LARP7: variants seen among roughly 807,000 people sequenced by gnomAD.
LARP7 encodes the protein La ribonucleoprotein 7, transcriptional regulator, also known as la-related protein 7.
LARP7 carries 52 observed loss-of-function variants against 69.3 expected under a neutral mutation model. The observed-to-expected ratio is 0.75, with a 90% confidence interval of 0.60 to 0.95. LARP7 has a LOEUF of 0.95. LARP7 is among the 40% of genes least tolerant of loss of function. The pLI is 0.00. For synonymous variants in LARP7, 254 were observed against 215.9 expected, an observed-to-expected ratio of 1.18 and a Z score of -1.55; for missense variants, 733 against 673.0, an observed-to-expected ratio of 1.09 and a Z score of -0.99.
Position 112,657,269 on chromosome 4 carries a change from T to G in LARP7, c.1691T>G (p.Ile564Ser). ...TEKLITKAEK[I>S]RLAKTQQASK... ...TAGTTAATCACCAAAGCTGAAAAGA[T>G]TAGACTGGCAAAGACTCAACAAGCG... The change falls in exon 13 of 13, where the codon ATT becomes AGT. Residue 564 changes from isoleucine to serine, a missense_variant. Transcript: ENST00000344442. 3 of 1,591,522 alleles carry G rather than the reference T, an allele frequency of 1.9e-6. No homozygotes were observed. Among genetic ancestry groups the G allele is most frequent in the Non-Finnish European group, 2.6e-6 (3 of 1,168,876 alleles).
At chr4:112,652,569 G>A (rs1321758073) in intron 10 of LARP7, among the ~76,000 whole-genome samples, 6 of 152,002 alleles carry the variant, frequency 3.9e-5, no homozygotes, top group African/African-American at 1.5e-4. Context: ...CTTGAACAAT[G>A]TGGAAATCTA....
intron 1 of LARP7, among the ~76,000 whole-genome samples, chr4:112,639,481 T>C (rs2047871680): frequency 1.3e-5 from 2 of 152,114 alleles, no homozygotes; most frequent in Admixed American, 6.6e-5. Flanking sequence ...CCGCCCGCCT[T>C]GGCCTCCCAA....
At chr4:112,648,133 C>A in intron 8 of LARP7, 1 of 532,176 alleles carries the variant, frequency 1.9e-6, no homozygotes, top group Admixed American at 2.0e-5. Flanking sequence ...GCGGTCAATA[C>A]AATAAAGTTA....
At chr4:112,645,108 G>A (rs907154213) in intron 2 of LARP7, among the ~76,000 whole-genome samples, 4 of 151,618 alleles carry the variant, frequency 2.6e-5, no homozygotes, top group South Asian at 4.2e-4. Flanking sequence ...CACCATGCCC[G>A]GCTAATTTTT....
intron 1 of LARP7, among the ~76,000 whole-genome samples, chr4:112,642,777 A>C (rs2048011925): frequency 1.3e-5 from 2 of 152,248 alleles, no homozygotes; most frequent in African/African-American, 4.8e-5. Flanking sequence ...TGGTGTATTT[A>C]GGACACTTTG....
intron 1 of LARP7, among the ~76,000 whole-genome samples, chr4:112,638,266 A>C (rs1164000761): frequency 1.3e-5 from 2 of 152,246 alleles, no homozygotes; most frequent in African/African-American, 4.8e-5. Context: ...ACTGCACTGC[A>C]GCCTGGGCCA....
At position 112,648,118 on chromosome 4, in the gene LARP7, G is replaced by A. The variant is rs753398130; in HGVS notation, c.1142+284G>A. 9.0e-6 allele frequency: 5 copies of A among 553,840 alleles called. No individual in the cohort carries two copies. In the East Asian group the frequency reaches 2.4e-4, roughly 26 times the overall value. The allele number at this position is 553,840 out of a possible 1,614,324, so 34.3% of individuals were successfully genotyped here. A position where few individuals can be genotyped will look rare whatever the true frequency, so the allele number is the denominator to read the frequency against. On this transcript the variant is annotated intron_variant, in intron 8 of 12. Transcript: ENST00000344442. ...AATACAAAATAAAGCTTAAATATAT[G>A]AGCTGCGGTCAATACAATAAAGTTA...
intron 12 of LARP7, among the ~76,000 whole-genome samples, chr4:112,656,524 AATC>A (rs1334703204): frequency 1.3e-5 from 2 of 152,240 alleles, no homozygotes. Context: ...TGCTAGCCTA[AATC>A]TTTGTAGTAT....
intron 1 of LARP7, among the ~76,000 whole-genome samples, chr4:112,638,197 T>G (rs6816782): frequency 0.68 from 103,586 of 151,992 alleles, 35,734 homozygotes; most frequent in East Asian, 0.95. Context: ...TCAAGAGGCT[T>G]GGTTGGGAGA....
In LARP7 at chr4:112,646,615, AG is replaced by A; in HGVS notation, c.333del (p.Lys113AsnfsTer42). The A allele has an allele frequency of 6.2e-7, 1 of 1,600,700 alleles. No homozygotes were observed. Among genetic ancestry groups the A allele is most frequent in the Non-Finnish European group, 8.5e-7 (1 of 1,172,748 alleles). ...TGATTTGGAAGGCACCAGAATCCGG[AG>A]GAAAAAACCTCTGGGGGAAAGACCA... ...ELDLEGTRIRRKKPLGERPKD... is the reference protein window; with the variant it reads ...ELDLEGTRIRXKKPLGERPKD... On this transcript the variant is annotated frameshift_variant, in exon 4 of 13. Transcript: ENST00000344442. LOFTEE classifies it high-confidence loss of function.
Position 112,646,798 on chromosome 4 carries a change from T to C in LARP7, c.395T>C (p.Leu132Pro), listed in dbSNP as rs2048288766. The C allele has an allele frequency of 6.3e-7, 1 of 1,583,680 alleles. No homozygotes were observed. The highest frequency in any genetic ancestry group is 8.5e-7 in the Non-Finnish European group (1 of 1,171,572). Reference protein sequence around the residue: ...EDERTVYVELLPKNVNHSWIE... With the variant: ...EDERTVYVELPPKNVNHSWIE... ...GCTTTTAATTTATAATAGGAGTTAC[T>C]TCCCAAAAATGTTAATCACAGCTGG... Residue 132 changes from leucine to proline, a missense_variant, in exon 5 of 13, where the codon CTT becomes CCT. By Grantham distance (98) the Leu-to-Pro change is moderately conservative. Coordinates refer to ENST00000344442, the MANE Select transcript of LARP7 (RefSeq NM_016648.4).
intron 10 of LARP7, 67 bp from the exon 11 acceptor site, chr4:112,653,010 G>T: frequency 8.0e-7 from 1 of 1,248,818 alleles, no homozygotes; most frequent in East Asian, 2.5e-5. Context: ...ATAACCATTG[G>T]AATAGTTTTA....
In LARP7 at chr4:112,646,676, G is replaced by A. The variant is rs753688074; in HGVS notation, c.387+5G>A. ...GATGAACGCACAGTGTATGTGGTAAGCTTAAGAACCCGGGTCCCCAGTCAG... is the reference window on the plus strand; with the variant it reads ...GATGAACGCACAGTGTATGTGGTAAACTTAAGAACCCGGGTCCCCAGTCAG... On this transcript the variant is annotated splice_donor_5th_base_variant and intron_variant, in intron 4 of 12. Coordinates refer to ENST00000344442, the MANE Select transcript of LARP7 (RefSeq NM_016648.4). 1 of 1,590,476 alleles carries A rather than the reference G, an allele frequency of 6.3e-7. No individual in the cohort carries two copies. Among genetic ancestry groups the A allele is most frequent in the Admixed American group, 1.8e-5 (1 of 54,628 alleles).
At position 112,647,460 on chromosome 4, in the gene LARP7, C is replaced by A; in HGVS notation, c.908C>A (p.Ala303Glu). ...GKRKRSSSED[A>E]ESLAPRSKVK... ...AGGAAGAGAAGCAGCTCTGAAGATG[C>A]AGAATCCCTAGCTCCCCGATCAAAA... is the stretch of plus-strand genomic sequence containing the variant. Residue 303 changes from alanine to glutamate, a missense_variant, in exon 7 of 13, where the codon GCA becomes GAA. Transcript: ENST00000344442. 1 of 1,613,904 alleles carries A rather than the reference C, an allele frequency of 6.2e-7. No homozygotes were observed. The highest frequency in any genetic ancestry group is 1.1e-5 in the South Asian group (1 of 91,068).
In LARP7 at chr4:112,647,756, C is replaced by G. The variant is rs775043949; in HGVS notation, c.1064C>G (p.Thr355Arg). The change falls in exon 8 of 13, where the codon ACA becomes AGA. Residue 355 changes from threonine (T) to arginine (R), a missense_variant. Physicochemically the swap from Thr to Arg is moderately conservative, Grantham distance 71. Coordinates refer to ENST00000344442, the MANE Select transcript of LARP7 (RefSeq NM_016648.4). ...GDLKDSSLLK[T>R]KRKHKKKHKE... Reference sequence around the variant, plus strand: ...CTAAAAGATAGCTCTCTCTTGAAAACAAAAAGGAAACATAAGAAAAAACAT... The same window carrying G: ...CTAAAAGATAGCTCTCTCTTGAAAAGAAAAAGGAAACATAAGAAAAAACAT... 3 of 1,574,072 alleles carry G rather than the reference C, an allele frequency of 1.9e-6. No individual in the cohort carries two copies. Among genetic ancestry groups the G allele is most frequent in the Admixed American group, 3.7e-5 (2 of 54,636 alleles).
chr4:112,642,379 T>TA (rs1260421505), intron 1 of LARP7, among the ~76,000 whole-genome samples: 3 of 152,242 alleles, frequency 2.0e-5, no homozygotes, highest in Admixed American at 2.0e-4. Context: ...TCAAAATTGG[T>TA]ACTTGATTGA....
At chr4:112,646,540 C>G (rs1457075068) in intron 3 of LARP7, 48 bp from the exon 4 acceptor site, 3 of 1,279,856 alleles carry the variant, frequency 2.3e-6, no homozygotes, top group Non-Finnish European at 2.1e-6. Flanking sequence ...TTATAGCTTA[C>G]AATTATAAAT....
rs372040364 is a variant in LARP7, at chr4:112,648,259, A to G, written c.1142+425A>G. 8.9e-5 allele frequency: 47 copies of G among 530,692 alleles called. No homozygotes were observed. In the East Asian group the frequency reaches 2.2e-3, roughly 25 times the overall value. 32.9% of individuals were successfully genotyped at this position (530,692 alleles called of 1,614,324 possible). On this transcript the variant is annotated intron_variant, in intron 8 of 12. Coordinates refer to ENST00000344442, the MANE Select transcript of LARP7 (RefSeq NM_016648.4). ...TCCACGTTTAAGTGGTGGGGAGCCC[A>G]GTCTTGGAAAAAGTTAGAATCCTTT...
In LARP7 at chr4:112,646,867, G is replaced by A; in HGVS notation, c.464G>A (p.Ser155Asn). 1 of 1,607,896 alleles carries A rather than the reference G, an allele frequency of 6.2e-7. No individual in the cohort carries two copies. The highest frequency in any genetic ancestry group is 2.2e-5 in the East Asian group (1 of 44,820). ...AAATGTGGCAATGTTGTTTATATAA[G>A]TATACCACATTATAAGTCTACTGGA... is the stretch of plus-strand genomic sequence containing the variant. ...FGKCGNVVYI[S>N]IPHYKSTGDP... Residue 155 changes from serine to asparagine, a missense_variant, in exon 5 of 13, where the codon AGT becomes AAT. Ser to Asn is a conservative substitution (Grantham distance 46, BLOSUM62 1). Coordinates refer to ENST00000344442, the MANE Select transcript of LARP7 (RefSeq NM_016648.4).
Sources: gnomAD v4.1 joint callset for allele counts (sites outside exome capture counted in the v4.1 genomes callset) on GRCh38, gnomAD v4.1.1 for gene constraint, MANE v1.5 for transcripts, NCBI Gene and HGNC (gene_info 2026-07-23, HGNC 2026-07-21) for gene names.